Variants in BLTP1 observed in about 807,000 individuals in gnomAD.
The protein encoded by BLTP1 is bridge-like lipid transfer protein family member 1, also known as fragile site-associated protein.
chr4:122,276,220 A>G, the BLTP1 span: 1 of 449,742 alleles, frequency 2.2e-6, no homozygotes, highest in Non-Finnish European at 3.5e-6. Context: ...TTGGTAATTC[A>G]TACCTTGTCT....
At chr4:122,247,848 A>T in the BLTP1 span, 7 of 981,002 alleles carry the variant, frequency 7.1e-6, no homozygotes, top group Non-Finnish European at 8.5e-6. Context: ...GCTGTTATAC[A>T]TCATTTTAAT....
chr4:122,187,369 G>A, the BLTP1 span: 1 of 1,595,696 alleles, frequency 6.3e-7, no homozygotes. Context: ...GTGAGGAAGT[G>A]AACTATGTCC....
At chr4:122,252,292 G>C in the BLTP1 span, among the ~76,000 whole-genome samples, 1 of 152,202 alleles carries the variant, frequency 6.6e-6, no homozygotes, top group Admixed American at 6.5e-5. Flanking sequence ...TGGGGACTTT[G>C]TCTTGCACCT....
the BLTP1 span, chr4:122,324,518 A>T: frequency 6.2e-7 from 1 of 1,610,226 alleles, no homozygotes; most frequent in Admixed American, 1.7e-5. Context: ...CCACCTCTTA[A>T]GCGAATGGAA....
chr4:122,187,920 A>G, the BLTP1 span: 4 of 1,584,304 alleles, frequency 2.5e-6, no homozygotes, highest in South Asian at 1.2e-5. Flanking sequence ...GGAAATCACT[A>G]CCAGCCGCAA....
chr4:122,175,903 A>G, the BLTP1 span: 3 of 1,481,576 alleles, frequency 2.0e-6, no homozygotes, highest in South Asian at 2.3e-5. Flanking sequence ...AACCCAAAAC[A>G]GAAGCAACAT....
chr4:122,303,635 G>A, the BLTP1 span, among the ~76,000 whole-genome samples: 6 of 152,242 alleles, frequency 3.9e-5, no homozygotes, highest in Admixed American at 6.5e-5. Context: ...GGAAGAAGTC[G>A]GTTCCAACTC....
chr4:122,189,622 T>C, the BLTP1 span: 1 of 923,744 alleles, frequency 1.1e-6, no homozygotes. Flanking sequence ...ATGATCATTT[T>C]ATTCCAGTGA....
the BLTP1 span, among the ~76,000 whole-genome samples, chr4:122,193,026 T>C: frequency 6.6e-6 from 1 of 152,212 alleles, no homozygotes; most frequent in Non-Finnish European, 1.5e-5. Context: ...TCTCCTTGAC[T>C]TGTAGATGGC....
the BLTP1 span, chr4:122,316,418 T>C: frequency 2.1e-6 from 1 of 478,446 alleles, no homozygotes; most frequent in Non-Finnish European, 4.3e-6. Flanking sequence ...GTAAATCACC[T>C]ACTAGGCCTG....
At chr4:122,262,343 A>G in the BLTP1 span, among the ~76,000 whole-genome samples, 7 of 152,078 alleles carry the variant, frequency 4.6e-5, no homozygotes, top group African/African-American at 1.7e-4. Flanking sequence ...CAAACATGCT[A>G]TGTATAACTT....
the BLTP1 span, chr4:122,251,015 T>C: frequency 2.0e-6 from 2 of 985,052 alleles, no homozygotes; most frequent in East Asian, 1.1e-4. Flanking sequence ...ACTCACTTTT[T>C]ATTTTTATTA....
the BLTP1 span, chr4:122,276,345 C>T: frequency 1.6e-5 from 10 of 629,844 alleles, no homozygotes; most frequent in African/African-American, 2.0e-5. Flanking sequence ...ATAATGGAAG[C>T]TTAAAAAATT....
chr4:122,305,250 T>C, the BLTP1 span: 1 of 979,118 alleles, frequency 1.0e-6, no homozygotes, highest in Non-Finnish European at 1.2e-6. Flanking sequence ...TTTTTTATTT[T>C]GCTAAACATT....
At chr4:122,263,816 T>A in the BLTP1 span, among the ~76,000 whole-genome samples, 2 of 152,200 alleles carry the variant, frequency 1.3e-5, no homozygotes, top group South Asian at 4.1e-4. Context: ...AATGTGAGAT[T>A]GTATATAAAG....
At chr4:122,161,991 C>T in the BLTP1 span, among the ~76,000 whole-genome samples, 4 of 152,034 alleles carry the variant, frequency 2.6e-5, no homozygotes, top group Admixed American at 6.6e-5. Flanking sequence ...ATTTCTAAAC[C>T]GATAATTACA....
chr4:122,202,572 A>C, the BLTP1 span: 1 of 961,208 alleles, frequency 1.0e-6, no homozygotes, highest in East Asian at 1.2e-4. Flanking sequence ...CTTCTCACTT[A>C]AGATTTTGTA....
the BLTP1 span, chr4:122,225,035 C>T: frequency 1.0e-6 from 1 of 975,006 alleles, no homozygotes. Flanking sequence ...TATTTTTCTA[C>T]TATATGGAGT....
At chr4:122,361,412 G>A in the BLTP1 span, among the ~76,000 whole-genome samples, 1 of 152,074 alleles carries the variant, frequency 6.6e-6, no homozygotes, top group African/African-American at 2.4e-5. Context: ...GAATACTCTG[G>A]GGCTAACCTG....
Sources: allele counts gnomAD v4.1 joint callset (sites outside exome capture counted in the v4.1 genomes callset), GRCh38; gene constraint gnomAD v4.1.1; transcripts MANE v1.5; gene names NCBI Gene and HGNC (gene_info 2026-07-23, HGNC 2026-07-21).